Variants in ASIC2 observed in about 807,000 individuals in gnomAD.
ASIC2 encodes acid-sensing ion channel 2.
ASIC2 carries 25 observed loss-of-function variants against 57.3 expected under a neutral mutation model. The observed-to-expected ratio is 0.44, with a 90% CI of 0.32 to 0.61. The LOEUF (loss-of-function observed/expected upper bound fraction) is 0.61, where lower values mean the gene tolerates loss of function less well. ASIC2 is among the 20% of genes least tolerant of loss of function. The pLI is 0.06. For synonymous variants in ASIC2, 319 were observed against 307.5 expected, an observed-to-expected ratio of 1.04 and a Z score of -0.39; for missense variants, 641 against 738.1, an observed-to-expected ratio of 0.87 and a Z score of 1.52.
chr17:33,307,877 A>G (rs557118193), intron 1 of ASIC2, among the ~76,000 whole-genome samples: 2 of 152,350 alleles, frequency 1.3e-5, no homozygotes, highest in East Asian at 3.9e-4. Context: ...TATTCAGTAA[A>G]TATTTGTTGA....
intron 1 of ASIC2, among the ~76,000 whole-genome samples, chr17:33,614,107 G>A (rs1343771899): frequency 6.6e-6 from 1 of 152,070 alleles, no homozygotes. Flanking sequence ...CAGCTGCACC[G>A]GGTTTTAATT....
chr17:33,391,370 C>T (rs1017687417), intron 1 of ASIC2, among the ~76,000 whole-genome samples: 1 of 152,172 alleles, frequency 6.6e-6, no homozygotes, highest in Non-Finnish European at 1.5e-5. Context: ...TCAAAGGTCA[C>T]CTAAAAACAT....
intron 1 of ASIC2, among the ~76,000 whole-genome samples, chr17:33,622,426 G>C (rs569649888): frequency 1.3e-5 from 2 of 152,264 alleles, no homozygotes; most frequent in South Asian, 4.1e-4. Flanking sequence ...CACTGAGAGA[G>C]AAAGAATGGC....
chr17:33,466,099 A>T (rs558177482), intron 1 of ASIC2, among the ~76,000 whole-genome samples: 1 of 152,348 alleles, frequency 6.6e-6, no homozygotes, highest in South Asian at 2.1e-4. Context: ...AATATTTTTT[A>T]AAATTAAAAT....
intron 1 of ASIC2, among the ~76,000 whole-genome samples, chr17:34,083,629 G>A (rs1328012656): frequency 3.3e-5 from 5 of 152,180 alleles, no homozygotes; most frequent in Non-Finnish European, 7.3e-5. Flanking sequence ...CTAGTTTACA[G>A]TCCCACCAAC....
chr17:33,608,172 G>A (rs1018081974), intron 1 of ASIC2, among the ~76,000 whole-genome samples: 5 of 152,160 alleles, frequency 3.3e-5, no homozygotes, highest in African/African-American at 4.8e-5. Flanking sequence ...TGAGAATGGC[G>A]TTACATAGGC....
chr17:33,713,012 G>C (rs1016016404), intron 1 of ASIC2, among the ~76,000 whole-genome samples: 2 of 152,162 alleles, frequency 1.3e-5, no homozygotes, highest in African/African-American at 4.8e-5. Context: ...GCCATAGTAT[G>C]ATATAATGCT....
chr17:33,757,988 C>G (rs1555558503), intron 1 of ASIC2, among the ~76,000 whole-genome samples: 3 of 152,220 alleles, frequency 2.0e-5, no homozygotes, highest in Non-Finnish European at 4.4e-5. Flanking sequence ...TCCTCCCTCT[C>G]AGATAGCTTG....
intron 2 of ASIC2, among the ~76,000 whole-genome samples, chr17:33,097,978 C>G (rs2092190485): frequency 6.6e-6 from 1 of 152,178 alleles, no homozygotes. Context: ...TCACAGAGAC[C>G]TGCTTTTGAC....
Position 33,121,702 on chromosome 17 carries a change from G to A in ASIC2, c.709-9635C>T, listed in dbSNP as rs567290601. ...ACAACTATGGGCTCTACTAAGAGGC[G>A]GGCAGAACTGTAGAAGAACACTGAC... is the stretch of plus-strand genomic sequence containing the variant. On this transcript the variant is annotated intron_variant, in intron 1 of 9. Coordinates refer to ENST00000225823, the MANE Select transcript of ASIC2 (RefSeq NM_183377.2). 5.3e-5 allele frequency among the ~76,000 whole-genome samples: 8 copies of A among 152,122 alleles called. No individual in the cohort carries two copies. The East Asian group carries it at 5.8e-4, about 11-fold the overall frequency.
At position 33,771,733 on chromosome 17, in the gene ASIC2, T is replaced by A. The variant is rs920782338; in HGVS notation, c.555+384245A>T. On this transcript the variant is annotated intron_variant, in intron 1 of 9. Coordinates refer to the ASIC2 transcript ENST00000359872. The stretch of plus-strand genomic sequence containing the variant: ...GTTGTGGTGTTATTCATTTTTTTAA[T>A]TGATACATAATGATTGTACATATTT... 3.3e-5 allele frequency among the ~76,000 whole-genome samples: 5 copies of A among 152,226 alleles called. 1 individual carries two copies.
chr17:33,757,190 C>T (rs1304588365), intron 1 of ASIC2, among the ~76,000 whole-genome samples: 3 of 152,182 alleles, frequency 2.0e-5, no homozygotes, highest in East Asian at 1.9e-4. Context: ...AGGAGGAGAA[C>T]GAGGAGTGAG....
At chr17:33,164,595 CA>C (rs1362413349) in intron 1 of ASIC2, among the ~76,000 whole-genome samples, 3 of 151,922 alleles carry the variant, frequency 2.0e-5, no homozygotes, top group African/African-American at 7.3e-5. Flanking sequence ...CACACACACA[CA>C]CACACACTTA....
At chr17:33,604,148 G>C (rs1369630605) in intron 1 of ASIC2, among the ~76,000 whole-genome samples, 3 of 152,164 alleles carry the variant, frequency 2.0e-5, no homozygotes, top group African/African-American at 7.2e-5. Context: ...ACTAGAGGTG[G>C]ACATTGCCCA....
At chr17:33,146,350 A>AAATTG (rs1173398069) in intron 1 of ASIC2, among the ~76,000 whole-genome samples, 2 of 152,162 alleles carry the variant, frequency 1.3e-5, no homozygotes, top group Non-Finnish European at 2.9e-5. Context: ...ACAGATGAGG[A>AAATTG]AATTGACCCT....
chr17:33,493,465 C>A (rs983169059), intron 1 of ASIC2, among the ~76,000 whole-genome samples: 1 of 152,180 alleles, frequency 6.6e-6, no homozygotes, highest in African/African-American at 2.4e-5. Context: ...ACCGTGGGTA[C>A]TTTTTGACCC....
At chr17:34,017,286 T>C (rs1014634612) in intron 1 of ASIC2, among the ~76,000 whole-genome samples, 2 of 152,210 alleles carry the variant, frequency 1.3e-5, no homozygotes, top group Non-Finnish European at 2.9e-5. Context: ...GAATCTCACT[T>C]ATATAAGATG....
chr17:33,926,046 T>C (rs1410695992), intron 1 of ASIC2, among the ~76,000 whole-genome samples: 1 of 152,218 alleles, frequency 6.6e-6, no homozygotes, highest in Non-Finnish European at 1.5e-5. Context: ...GTAGATCTCT[T>C]GCAGTGATGT....
At chr17:33,790,260 T>A (rs905629180) in intron 1 of ASIC2, among the ~76,000 whole-genome samples, 1 of 152,308 alleles carries the variant, frequency 6.6e-6, no homozygotes, top group African/African-American at 2.4e-5. Flanking sequence ...GCTTGATGCA[T>A]CCCAACTCTC....
Sources: allele counts gnomAD v4.1 joint callset (sites outside exome capture counted in the v4.1 genomes callset), GRCh38; gene constraint gnomAD v4.1.1; transcripts MANE v1.5; gene names NCBI Gene and HGNC (gene_info 2026-07-23, HGNC 2026-07-21).